TTC28: variants seen among roughly 807,000 people sequenced by gnomAD.
TTC28 encodes the protein tetratricopeptide repeat protein 28.
A neutral mutation model predicts 198.0 loss-of-function variants in TTC28; 61 were observed. That is an observed-to-expected ratio of 0.31 (90% CI 0.25 to 0.38). TTC28 has a LOEUF of 0.38. Among genes scored for constraint, TTC28 ranks in the 10% least tolerant of loss-of-function variants. The probability of loss-of-function intolerance (pLI) is 1.00; values close to 1 mark genes in which losing one functional copy is unlikely to be tolerated. For missense variants in TTC28, 2,678 were observed against 3,164.0 expected (o/e 0.85, Z 3.69); for synonymous variants, 1,171 against 1,297.8 (o/e 0.90, Z 2.10).
Position 28,297,748 on chromosome 22 carries a change from G to T in TTC28, c.634C>A (p.His212Asn), listed in dbSNP as rs768590013. 2 of 1,551,508 alleles carry T rather than the reference G, an allele frequency of 1.3e-6. No individual in the cohort carries two copies. Among genetic ancestry groups the T allele is most frequent in the Non-Finnish European group, 1.7e-6 (2 of 1,146,994 alleles). Residue 212 changes from histidine to asparagine, a missense_variant, in exon 4 of 23, where the codon CAT becomes AAT. By Grantham distance (68) the His-to-Asn change is moderately conservative (BLOSUM62 1). Coordinates refer to ENST00000397906, the MANE Select transcript of TTC28 (RefSeq NM_001145418.2). ...VGQELLTAGH[H>N]GASVVVLEAA... ...TCTAAGACAACCACAGAGGCCCCAT[G>T]ATGGCCAGCTGTCAGGAGTTCCTGC...
chr22:28,400,142 T>TA (rs1431233075), intron 2 of TTC28, among the ~76,000 whole-genome samples: 1 of 152,210 alleles, frequency 6.6e-6, no homozygotes, highest in Non-Finnish European at 1.5e-5. Flanking sequence ...TCCATTTCAG[T>TA]AACTTTTCAT....
intron 5 of TTC28, among the ~76,000 whole-genome samples, chr22:28,217,925 A>T (rs151031437): frequency 2.9e-4 from 44 of 152,340 alleles, no homozygotes; most frequent in African/African-American, 1.0e-3. Context: ...ACTTTTTAAA[A>T]TCCTTAATGT....
At chr22:28,390,379 T>C (rs569684881) in intron 2 of TTC28, among the ~76,000 whole-genome samples, 1 of 152,236 alleles carries the variant, frequency 6.6e-6, no homozygotes, top group South Asian at 2.1e-4. Context: ...CAGAGCTGAG[T>C]TCAATTCCTG....
At chr22:28,610,860 G>T (rs1236928576) in intron 2 of TTC28, among the ~76,000 whole-genome samples, 1 of 152,084 alleles carries the variant, frequency 6.6e-6, no homozygotes, top group Non-Finnish European at 1.5e-5. Flanking sequence ...AGAATAACCA[G>T]CTTAGAGAAG....
At chr22:28,494,703 T>C (rs1379255299) in intron 2 of TTC28, among the ~76,000 whole-genome samples, 1 of 151,932 alleles carries the variant, frequency 6.6e-6, no homozygotes, top group African/African-American at 2.4e-5. Flanking sequence ...TCTAATAAAC[T>C]TCAGTTTATC....
chr22:28,361,280 G>A (rs1234980344), intron 2 of TTC28, among the ~76,000 whole-genome samples: 1 of 152,200 alleles, frequency 6.6e-6, no homozygotes, highest in Non-Finnish European at 1.5e-5. Context: ...GCCAAGTTAT[G>A]AATGCAAAGG....
intron 2 of TTC28, among the ~76,000 whole-genome samples, chr22:28,613,431 C>A (rs761062834): frequency 6.6e-6 from 1 of 152,172 alleles, no homozygotes; most frequent in Non-Finnish European, 1.5e-5. Flanking sequence ...AAGAGGGAAT[C>A]CTCCCTACCT....
intron 1 of TTC28, among the ~76,000 whole-genome samples, chr22:28,642,807 T>A (rs1381965508): frequency 6.6e-6 from 1 of 152,192 alleles, no homozygotes; most frequent in Admixed American, 6.5e-5. Flanking sequence ...ACAGGAGCCA[T>A]TAGCAATATG....
intron 7 of TTC28, 70 bp from the exon 8 acceptor site, chr22:28,105,872 A>C: frequency 1.4e-6 from 2 of 1,453,794 alleles, no homozygotes; most frequent in Non-Finnish European, 1.8e-6. Context: ...AGCCCCTGAG[A>C]AAATGAAAAG....
intron 2 of TTC28, among the ~76,000 whole-genome samples, chr22:28,503,831 G>A (rs1050479178): frequency 2.4e-4 from 37 of 152,278 alleles, no homozygotes; most frequent in African/African-American, 8.7e-4. Flanking sequence ...CTGATCTCAC[G>A]ATTGTCAGTT....
intron 5 of TTC28, among the ~76,000 whole-genome samples, chr22:28,227,611 G>C (rs1335625451): frequency 1.3e-5 from 2 of 151,656 alleles, no homozygotes; most frequent in Non-Finnish European, 2.9e-5. Context: ...CACATATTAA[G>C]TATCTATTTA....
chr22:27,998,169 A>G, intron 16 of TTC28: 1 of 265,700 alleles, frequency 3.8e-6, no homozygotes, highest in Non-Finnish European at 7.2e-6. Context: ...AACCTATCTC[A>G]GGCCACACAG....
chr22:28,610,242 A>G (rs1025561529), intron 2 of TTC28, among the ~76,000 whole-genome samples: 6 of 152,314 alleles, frequency 3.9e-5, no homozygotes, highest in South Asian at 2.1e-4. Flanking sequence ...GCTCGGCTAC[A>G]GGTCAGACTG....
chr22:28,570,651 T>G (rs1214431391), intron 2 of TTC28, among the ~76,000 whole-genome samples: 1 of 152,152 alleles, frequency 6.6e-6, no homozygotes, highest in African/African-American at 2.4e-5. Flanking sequence ...CAATGTGACA[T>G]GTAATTTACC....
intron 6 of TTC28, among the ~76,000 whole-genome samples, chr22:28,110,755 C>G (rs1942458396): frequency 6.6e-6 from 1 of 151,748 alleles, no homozygotes; most frequent in African/African-American, 2.4e-5. Context: ...GGTAACATAA[C>G]AAGACCTTGT....
chr22:28,058,186 G>A (rs1001815180), intron 12 of TTC28, among the ~76,000 whole-genome samples: 3 of 152,044 alleles, frequency 2.0e-5, no homozygotes, highest in African/African-American at 7.2e-5. Flanking sequence ...GTTGTGGCAT[G>A]AGAGTAACCA....
rs898299783 is a variant in TTC28 at position 28,471,200 on chromosome 22, C to G, written c.381+158352G>C. ...TTTCATAACAGTATGCAGAACAACT[C>G]TTTTCCAAAAAACCATTATCCTTCC... is the stretch of plus-strand genomic sequence containing the variant. On this transcript the variant is annotated intron_variant, in intron 2 of 22. Transcript: ENST00000397906. Among the ~76,000 whole-genome samples the G allele has an allele frequency of 1.3e-4, 20 of 152,144 alleles. 1 individual carries two copies. The highest frequency in any genetic ancestry group is 1.1e-3 in the Admixed American group (17 of 15,278).
At chr22:28,132,907 TATGAG>T (rs1409228545) in intron 6 of TTC28, among the ~76,000 whole-genome samples, 82 of 152,294 alleles carry the variant, frequency 5.4e-4, no homozygotes, top group African/African-American at 1.9e-3. Flanking sequence ...ACTTACTATA[TATGAG>T]ATAATATAAA....
intron 6 of TTC28, among the ~76,000 whole-genome samples, chr22:28,128,835 T>C (rs1411410490): frequency 6.6e-6 from 1 of 152,166 alleles, no homozygotes. Context: ...CCACTACACC[T>C]GCCCTGGAAT....
Sources: gnomAD v4.1 joint callset for allele counts (sites outside exome capture counted in the v4.1 genomes callset) on GRCh38, gnomAD v4.1.1 for gene constraint, MANE v1.5 for transcripts, NCBI Gene and HGNC (gene_info 2026-07-23, HGNC 2026-07-21) for gene names.